Variants in HNRNPF observed in about 807,000 individuals in gnomAD.
HNRNPF encodes HnRNP F protein.
A neutral mutation model predicts 26.0 loss-of-function variants in HNRNPF; 2 were observed. The observed-to-expected ratio is 0.08, with a 90% CI of 0.03 to 0.24. The LOEUF (loss-of-function observed/expected upper bound fraction) is 0.24. Among genes scored for constraint, HNRNPF ranks in the 10% least tolerant of loss-of-function variants. The pLI, the probability that HNRNPF is intolerant of heterozygous loss-of-function variation, is 1.00. For missense variants in HNRNPF, 299 were observed against 539.2 expected, an observed-to-expected ratio of 0.55 and a Z score of 4.41; for synonymous variants, 234 against 211.5, an observed-to-expected ratio of 1.11 and a Z score of -0.92.
Position 43,387,128 on chromosome 10 carries a change from A to G in HNRNPF, c.757T>C (p.Tyr253His). The change falls in exon 4 of 4, where the codon TAC becomes CAC. Residue 253 changes from tyrosine to histidine, a missense_variant. This residue lies in a region of HNRNPF where 74 missense variants were observed against 77.7 expected (regional missense o/e 0.95). Coordinates refer to ENST00000682386, the MANE Select transcript of HNRNPF (RefSeq NM_001098204.2). The surrounding 1 kb of genome is among the most constrained non-coding windows in gnomAD (Gnocchi z 6.0). The stretch of plus-strand genomic sequence containing the variant: ...CCGAACAGGTCGGTGGTGAAGCCGT[A>G]GCCATCACTGAGGCCACTGTACTCC... Reference protein sequence around the residue: ...YEEYSGLSDGYGFTTDLFGRD... With the variant: ...YEEYSGLSDGHGFTTDLFGRD... The G allele has an allele frequency of 6.2e-7, 1 of 1,613,986 alleles. No homozygotes were observed. Among genetic ancestry groups the G allele is most frequent in the African/African-American group, 1.3e-5 (1 of 75,020 alleles).
At chr10:43,408,818 T>C (rs956528876) in intron 1 of HNRNPF, 3 of 152,366 alleles carry the variant, frequency 2.0e-5, no homozygotes, top group Admixed American at 6.5e-5. Flanking sequence ...GCGGGGAACT[T>C]GGCAGTTGTA....
At chr10:43,404,653 G>A (rs1251168842) in intron 1 of HNRNPF, among the ~76,000 whole-genome samples, 1 of 151,688 alleles carries the variant, frequency 6.6e-6, no homozygotes, top group Non-Finnish European at 1.5e-5. Flanking sequence ...AGGTCAGGAG[G>A]TTGAGACCAG....
intron 1 of HNRNPF, among the ~76,000 whole-genome samples, chr10:43,403,814 A>G (rs1036331510): frequency 2.0e-5 from 3 of 151,024 alleles, no homozygotes; most frequent in African/African-American, 7.3e-5. Context: ...GCGACATGGC[A>G]AAACCCCTTC....
intron 3 of HNRNPF, among the ~76,000 whole-genome samples, chr10:43,393,321 C>T (rs1331089987): frequency 6.6e-6 from 1 of 152,156 alleles, no homozygotes; most frequent in Non-Finnish European, 1.5e-5. Context: ...ATAGGCCGGG[C>T]GCAGTGGCTC....
intron 1 of HNRNPF, among the ~76,000 whole-genome samples, chr10:43,408,116 AC>A (rs1838990241): frequency 6.6e-6 from 1 of 151,846 alleles, no homozygotes; most frequent in Non-Finnish European, 1.5e-5. Context: ...TTCAGTAGAG[AC>A]AGTCTATGTT....
At chr10:43,405,506 A>G (rs1018439299) in intron 1 of HNRNPF, among the ~76,000 whole-genome samples, 2 of 152,142 alleles carry the variant, frequency 1.3e-5, no homozygotes, top group African/African-American at 4.8e-5. Flanking sequence ...AATACAAAAA[A>G]TTAGCCGGGC....
rs1056547680 is a variant in HNRNPF, at chr10:43,386,423, G to A, written c.*214C>T. On this transcript the variant is annotated 3_prime_UTR_variant, in exon 4 of 4. Transcript: ENST00000682386. ...GAAGTATACTACCAAAATGTTAATTGAGAAAAGCTGAAAATAGTTTTAGTT... is the reference window on the plus strand; with the variant it reads ...GAAGTATACTACCAAAATGTTAATTAAGAAAAGCTGAAAATAGTTTTAGTT... 12 of 498,640 alleles carry A rather than the reference G, an allele frequency of 2.4e-5. No homozygotes were observed. The highest frequency in any genetic ancestry group is 3.9e-5 in the Non-Finnish European group (11 of 285,218). 30.9% of individuals were successfully genotyped at this position (498,640 alleles called of 1,614,324 possible). A position where few individuals can be genotyped will look rare whatever the true frequency, so the allele number is the denominator to read the frequency against.
chr10:43,408,791 C>G (rs1469154038), intron 1 of HNRNPF: 2 of 152,306 alleles, frequency 1.3e-5, no homozygotes, highest in Non-Finnish European at 2.9e-5. Context: ...CTTGGAGCAC[C>G]TAGAGGAGGG....
At chr10:43,407,428 C>T (rs1838958945) in intron 1 of HNRNPF, among the ~76,000 whole-genome samples, 2 of 152,134 alleles carry the variant, frequency 1.3e-5, no homozygotes, top group South Asian at 2.1e-4. Flanking sequence ...ACACGCGGAG[C>T]CGAGCGGGGG....
rs370629232 is a variant in HNRNPF, at chr10:43,405,018, G to A, written c.-247+4113C>T. 3.3e-5 allele frequency among the ~76,000 whole-genome samples: 5 copies of A among 152,178 alleles called. No individual in the cohort carries two copies. In the East Asian group the frequency reaches 9.6e-4, roughly 29 times the overall value. On this transcript the variant is annotated intron_variant, in intron 1 of 3. Transcript: ENST00000682386. ...GCCTTTTAAGAAAGGGGAACCTCTA[G>A]ATGATCACTTACACAGCATCCATTC...
Position 43,385,715 on chromosome 10 carries a change from A to T in HNRNPF, c.*922T>A, listed in dbSNP as rs1837996963. 6.6e-6 allele frequency: 1 copy of T among 152,206 alleles called. No homozygotes were observed. Among genetic ancestry groups the T allele is most frequent in the South Asian group, 2.1e-4 (1 of 4,832 alleles). The allele number at this position is 152,206 out of a possible 1,614,324, so 9.4% of individuals were successfully genotyped here. A position where few individuals can be genotyped will look rare whatever the true frequency, so the allele number is the denominator to read the frequency against. ...AGTTCTCCAGCTATCAACAGATGTG[A>T]CTCCAGCATCAAGGGCCTAGCAGGA... On this transcript the variant is annotated 3_prime_UTR_variant, in exon 4 of 4. Transcript: ENST00000682386.
intron 1 of HNRNPF, among the ~76,000 whole-genome samples, chr10:43,400,501 C>A (rs1039775532): frequency 6.6e-6 from 1 of 152,082 alleles, no homozygotes; most frequent in Non-Finnish European, 1.5e-5. Flanking sequence ...AGATCATAGA[C>A]CATATTTGTT....
chr10:43,387,855 GC>G lies in HNRNPF; in HGVS notation c.29del (p.Gly10AlafsTer58). On this transcript the variant is annotated frameshift_variant, in exon 4 of 4. Transcript: ENST00000682386. LOFTEE classifies it high-confidence loss of function. The surrounding 1 kb of genome is among the most constrained non-coding windows in gnomAD (Gnocchi z 6.0). ...GCAGGCCACGGAGCTTGACCACAAAGCCTTCACCTCCCTCAGGGCCCAGCAT... is the reference window on the plus strand; with the variant it reads ...GCAGGCCACGGAGCTTGACCACAAAGCTTCACCTCCCTCAGGGCCCAGCAT... MMLGPEGGE[G>X]FVVKLRGLPW... 1 of 1,611,932 alleles carries G rather than the reference GC, an allele frequency of 6.2e-7. No individual in the cohort carries two copies. The highest frequency in any genetic ancestry group is 8.5e-7 in the Non-Finnish European group (1 of 1,178,328).
intron 1 of HNRNPF, among the ~76,000 whole-genome samples, chr10:43,401,551 T>C (rs1317990194): frequency 6.6e-6 from 1 of 152,208 alleles, no homozygotes; most frequent in African/African-American, 2.4e-5. Flanking sequence ...ATAAAATCTG[T>C]TCTTAACTGA....
At chr10:43,389,692 T>C (rs1838168220) in intron 3 of HNRNPF, among the ~76,000 whole-genome samples, 1 of 152,186 alleles carries the variant, frequency 6.6e-6, no homozygotes, top group African/African-American at 2.4e-5. Context: ...AACAGAACAG[T>C]ATGTGATATC....
At chr10:43,397,386 G>A (rs1407516041) in intron 1 of HNRNPF, 1 of 152,368 alleles carries the variant, frequency 6.6e-6, no homozygotes, top group Non-Finnish European at 1.5e-5. Flanking sequence ...GCTGGGCCCA[G>A]GCAGGAAGTG....
At chr10:43,402,133 A>G (rs1838771480) in intron 1 of HNRNPF, among the ~76,000 whole-genome samples, 1 of 152,238 alleles carries the variant, frequency 6.6e-6, no homozygotes, top group Non-Finnish European at 1.5e-5. Flanking sequence ...CTTAAAAAAA[A>G]AAACTTTCTG....
intron 1 of HNRNPF, among the ~76,000 whole-genome samples, chr10:43,399,575 G>A (rs944223526): frequency 6.6e-6 from 1 of 152,236 alleles, no homozygotes; most frequent in African/African-American, 2.4e-5. Flanking sequence ...TTAATGGAAT[G>A]TGGTGTGAAA....
chr10:43,397,788 G>A (rs958118115), intron 1 of HNRNPF, among the ~76,000 whole-genome samples: 1 of 152,168 alleles, frequency 6.6e-6, no homozygotes, highest in Non-Finnish European at 1.5e-5. Flanking sequence ...TTATATTGCA[G>A]AATTGTAAAT....
Sources: gnomAD v4.1 joint callset for allele counts (sites outside exome capture counted in the v4.1 genomes callset) on GRCh38, gnomAD v4.1.1 for gene constraint, gnomAD v4.1.1 regional missense constraint, Gnocchi (gnomAD v3.1) non-coding constraint, MANE v1.5 for transcripts, NCBI Gene and HGNC (gene_info 2026-07-23, HGNC 2026-07-21) for gene names.